PLEKHM1: variants seen among roughly 807,000 people sequenced by gnomAD.
PLEKHM1 encodes the protein pleckstrin homology domain-containing family M member 1.
In PLEKHM1, 28 loss-of-function variants were observed where a neutral mutation model predicts 94.3. That is an observed-to-expected ratio of 0.30 (90% CI 0.22 to 0.41). The LOEUF (loss-of-function observed/expected upper bound fraction) is 0.41. Ranked by LOEUF, PLEKHM1 falls within the 10% of genes least tolerant of loss-of-function variation. PLEKHM1 has a pLI of 1.00. For missense variants in PLEKHM1, 907 were observed against 1,358.6 expected (o/e 0.67, Z 5.22); for synonymous variants, 424 against 581.2 (o/e 0.73, Z 3.89).
chr17:45,478,227 G>A, intron 2 of PLEKHM1, 80 bp from the exon 3 acceptor site: 1 of 1,567,584 alleles, frequency 6.4e-7, no homozygotes, highest in Non-Finnish European at 8.8e-7. Context: ...TTTAGCTGGT[G>A]CCAAATACGT....
Position 45,437,798 on chromosome 17 carries a change from A to T in PLEKHM1, c.*60T>A, listed in dbSNP as rs752092287. 3 of 1,351,802 alleles carry T rather than the reference A, an allele frequency of 2.2e-6. No individual in the cohort carries two copies. The highest frequency in any genetic ancestry group is 3.2e-6 in the Non-Finnish European group (3 of 941,224). 83.7% of individuals were successfully genotyped at this position (1,351,802 alleles called of 1,614,324 possible). A position where few individuals can be genotyped will look rare whatever the true frequency, so the allele number is the denominator to read the frequency against. ...AGTATCCTGGGCTGATGGCAAACCC[A>T]GCCGGGATGGCTGAGCCACACTCAC... On this transcript the variant is annotated 3_prime_UTR_variant, in exon 12 of 12. Transcript: ENST00000430334. The surrounding 1 kb of genome is among the most constrained non-coding windows in gnomAD (Gnocchi z 4.0).
Position 45,453,544 on chromosome 17 carries a change from C to T in PLEKHM1, c.2308G>A (p.Asp770Asn). 1 of 1,606,370 alleles carries T rather than the reference C, an allele frequency of 6.2e-7. No homozygotes were observed. Among genetic ancestry groups the T allele is most frequent in the South Asian group, 1.1e-5 (1 of 90,318 alleles). Residue 770 changes from aspartate to asparagine, a missense_variant, in exon 7 of 12, where the codon GAT (aspartate) becomes AAT (asparagine). Coordinates refer to ENST00000430334, the MANE Select transcript of PLEKHM1 (RefSeq NM_014798.3). This position sits in a 1 kb window ranked among gnomAD's most constrained non-coding sequence, Gnocchi z 4.1. ...GNAEEAALWR[D>N]LVRKVLASYL... ...GATGCCAGGACTTTGCGGACCAGAT[C>T]CCTCCACAGGGCGGCTTCCTCGGCG... is the stretch of plus-strand genomic sequence containing the variant.
chr17:45,454,234 T>A lies in PLEKHM1; in HGVS notation c.1618A>T (p.Thr540Ser). The A allele has an allele frequency of 6.2e-7, 1 of 1,611,188 alleles. No homozygotes were observed. The highest frequency in any genetic ancestry group is 8.5e-7 in the Non-Finnish European group (1 of 1,178,900). Reference protein sequence around the residue: ...NPFRGLMKLGTVERRGAMGIW... With the variant: ...NPFRGLMKLGSVERRGAMGIW... ...CCCATTGCCCCCCGCCGCTCCACGG[T>A]GCCCAGCTTCATGAGACCCCGGAAT... Residue 540 changes from threonine (T) to serine (S), a missense_variant, in exon 7 of 12, where the codon ACC becomes TCC. This residue lies in a region of PLEKHM1 where 477 missense variants were observed against 601.5 expected (regional missense o/e 0.79). Transcript: ENST00000430334.
chr17:45,464,765 C>T (rs1330386243), intron 5 of PLEKHM1, among the ~76,000 whole-genome samples: 1 of 152,204 alleles, frequency 6.6e-6, no homozygotes. Flanking sequence ...CTGCCATGAT[C>T]ACACCAACCT....
At chr17:45,472,927 C>A (rs1030331819) in intron 4 of PLEKHM1, among the ~76,000 whole-genome samples, 2 of 152,120 alleles carry the variant, frequency 1.3e-5, no homozygotes, top group Admixed American at 1.3e-4. Flanking sequence ...ACACGTGGGA[C>A]CTTCTTTTCC....
At chr17:45,465,759 T>G (rs1266721357) in intron 5 of PLEKHM1, among the ~76,000 whole-genome samples, 1 of 152,128 alleles carries the variant, frequency 6.6e-6, no homozygotes, top group African/African-American at 2.4e-5. Context: ...GGAGTTCGCT[T>G]GGACTATAGA....
chr17:45,466,605 C>T (rs2051328498), intron 5 of PLEKHM1, among the ~76,000 whole-genome samples: 1 of 152,180 alleles, frequency 6.6e-6, no homozygotes, highest in African/African-American at 2.4e-5. Flanking sequence ...CTTGGACAGA[C>T]ATTCTATAAA....
At chr17:45,439,794 A>T (rs2050385794) in intron 10 of PLEKHM1, 160 bp from the exon 11 acceptor site, 4 of 932,544 alleles carry the variant, frequency 4.3e-6, no homozygotes, top group Non-Finnish European at 6.7e-6. Context: ...AGAAAAGAAA[A>T]CCTCCCTGAA....
chr17:45,458,633 G>A (rs562602842), intron 5 of PLEKHM1, among the ~76,000 whole-genome samples, 194 bp from the exon 6 acceptor site: 475 of 152,160 alleles, frequency 3.1e-3, no homozygotes, highest in Non-Finnish European at 5.1e-3. Context: ...ACCATGCCCA[G>A]CTAATTTTTG....
chr17:45,461,283 C>T (rs912562134), intron 5 of PLEKHM1, among the ~76,000 whole-genome samples: 1 of 152,178 alleles, frequency 6.6e-6, no homozygotes, highest in African/African-American at 2.4e-5. Context: ...ATTCTGAATA[C>T]GAGACCCTTA....
intron 4 of PLEKHM1, among the ~76,000 whole-genome samples, chr17:45,471,371 T>C (rs2051505325): frequency 7.0e-6 from 1 of 143,366 alleles, no homozygotes; most frequent in South Asian, 2.3e-4. Context: ...ATGCAACTAC[T>C]GCAGAAAACA....
At chr17:45,465,003 TTGC>T (rs1367394078) in intron 5 of PLEKHM1, among the ~76,000 whole-genome samples, 3 of 152,102 alleles carry the variant, frequency 2.0e-5, no homozygotes, top group Admixed American at 6.6e-5. Flanking sequence ...GGCCAGGTAC[TTGC>T]TGGAGATACC....
chr17:45,462,448 C>G (rs2051179707), intron 5 of PLEKHM1, among the ~76,000 whole-genome samples: 1 of 151,908 alleles, frequency 6.6e-6, no homozygotes, highest in Admixed American at 6.6e-5. Context: ...TGTGTGATCT[C>G]CAGCGCCTGG....
At chr17:45,466,032 T>A (rs2145273252) in intron 5 of PLEKHM1, among the ~76,000 whole-genome samples, 1 of 152,210 alleles carries the variant, frequency 6.6e-6, no homozygotes, top group Admixed American at 6.5e-5. Flanking sequence ...AGTTGGCAGG[T>A]GCACAGTCAC....
At chr17:45,489,218 C>G (rs959998281) in intron 1 of PLEKHM1, among the ~76,000 whole-genome samples, 1 of 152,184 alleles carries the variant, frequency 6.6e-6, no homozygotes, top group Non-Finnish European at 1.5e-5. Context: ...AGGCCTCAGC[C>G]TCCCCAGGAC....
At position 45,449,753 on chromosome 17, in the gene PLEKHM1, C is replaced by T. The variant is rs545023421; in HGVS notation, c.2643+865G>A. On this transcript the variant is annotated intron_variant, in intron 8 of 11. Transcript: ENST00000430334. ...ACCTACCCATCCACCTACCTACCTG[C>T]CCATCCACCTAGCCACCTGCTCATT... Among the ~76,000 whole-genome samples, 4 of 151,298 alleles carry T rather than the reference C, an allele frequency of 2.6e-5. No homozygotes were observed. The South Asian group carries it at 6.3e-4, about 24-fold the overall frequency.
intron 8 of PLEKHM1, among the ~76,000 whole-genome samples, chr17:45,448,696 C>T (rs1052523835): frequency 2.6e-5 from 4 of 152,084 alleles, no homozygotes; most frequent in Admixed American, 2.0e-4. Flanking sequence ...CCAACAACCC[C>T]GACACAGACA....
rs770657508 is a variant in PLEKHM1 at position 45,450,622 on chromosome 17, C to A, written c.2639G>T (p.Arg880Leu). ...GCTGCTGGGCTTGAGACTTACCGGG[C>A]GCTTGGTGAGGTCCCAGTTGTGGAT... The part of the protein sequence containing the change: ...RIIHNWDLTK[R>L]PICRQALKFL... Residue 880 changes from arginine (R) to leucine (L), a missense_variant, in exon 8 of 12, where the codon CGC becomes CTC. Physicochemically the swap from Arg to Leu is moderately radical, Grantham distance 102 (BLOSUM62 -2). Transcript: ENST00000430334. 1.2e-6 allele frequency: 2 copies of A among 1,613,492 alleles called. No homozygotes were observed. Among genetic ancestry groups the A allele is most frequent in the East Asian group, 2.2e-5 (1 of 44,858 alleles).
At chr17:45,474,963 G>A (rs1305182459) in intron 4 of PLEKHM1, 137 bp downstream of exon 4, 17 of 877,702 alleles carry the variant, frequency 1.9e-5, no homozygotes, top group Admixed American at 1.4e-4. Context: ...TGGAGAAGTC[G>A]ATGACTCCCT....
Sources: gnomAD v4.1 joint callset for allele counts (sites outside exome capture counted in the v4.1 genomes callset) on GRCh38, gnomAD v4.1.1 for gene constraint, gnomAD v4.1.1 regional missense constraint, Gnocchi (gnomAD v3.1) non-coding constraint, MANE v1.5 for transcripts, NCBI Gene and HGNC (gene_info 2026-07-23, HGNC 2026-07-21) for gene names.